BCL11A: variants seen among roughly 807,000 people sequenced by gnomAD.
BCL11A encodes the protein B cell CLL/lymphoma 11A.
A neutral mutation model predicts 55.9 loss-of-function variants in BCL11A; 2 were observed. The ratio of observed to expected loss-of-function variants is 0.04; its 90% CI spans 0.01 to 0.11. The LOEUF is 0.11. BCL11A is among the 10% of genes least tolerant of loss of function. The pLI, the probability that BCL11A is intolerant of heterozygous loss-of-function variation, is 1.00. For synonymous variants in BCL11A, 465 were observed against 473.4 expected (o/e 0.98, Z 0.23); for missense variants, 817 against 1,137.1 (o/e 0.72, Z 4.05).
At chr2:60,544,122 A>T (rs1337356977) in intron 2 of BCL11A, 2 of 152,170 alleles carry the variant, frequency 1.3e-5, no homozygotes, top group African/African-American at 4.8e-5. Flanking sequence ...AGACTGAATA[A>T]CCTATTTGGG....
intron 2 of BCL11A, chr2:60,508,749 G>A (rs1679793554): frequency 6.6e-6 from 1 of 152,288 alleles, no homozygotes; most frequent in Non-Finnish European, 1.5e-5. Flanking sequence ...GCATTTCCCT[G>A]AGGGTCTCCT....
At chr2:60,520,865 C>T (rs557309668) in intron 2 of BCL11A, among the ~76,000 whole-genome samples, 1 of 152,188 alleles carries the variant, frequency 6.6e-6, no homozygotes, top group South Asian at 2.1e-4. Context: ...CCGGTGTTTT[C>T]GTGCAAGCTT....
At chr2:60,488,427 G>C (rs1417204790) in intron 2 of BCL11A, among the ~76,000 whole-genome samples, 3 of 152,158 alleles carry the variant, frequency 2.0e-5, no homozygotes, top group Admixed American at 6.5e-5. Context: ...TGCCATAACA[G>C]GATTACAGCA....
At chr2:60,517,223 G>C (rs180999337) in intron 2 of BCL11A, among the ~76,000 whole-genome samples, 5 of 152,282 alleles carry the variant, frequency 3.3e-5, no homozygotes, top group East Asian at 1.9e-4. Flanking sequence ...GCCCCTGAGA[G>C]GGTACACGTT....
chr2:60,457,630 C>T lies in BCL11A; in HGVS notation c.*2774G>A. ...TTCTTTCCAATCTAAATATAAAGCA[C>T]CATTTAGTTTTTGGCAATGAAAAAA... On this transcript the variant is annotated 3_prime_UTR_variant, in exon 4 of 4. Transcript: ENST00000642384. 3 of 1,040,898 alleles carry T rather than the reference C, an allele frequency of 2.9e-6. No homozygotes were observed. Among genetic ancestry groups the T allele is most frequent in the Non-Finnish European group, 3.5e-6 (3 of 864,422 alleles). The allele number at this position is 1,040,898 out of a possible 1,614,324, so 64.5% of individuals were successfully genotyped here. A position where few individuals can be genotyped will look rare whatever the true frequency, so the allele number is the denominator to read the frequency against.
At chr2:60,521,400 G>A (rs1668986647) in intron 2 of BCL11A, among the ~76,000 whole-genome samples, 1 of 152,238 alleles carries the variant, frequency 6.6e-6, no homozygotes, top group Non-Finnish European at 1.5e-5. Context: ...GTGTGATGTG[G>A]TTAGGCCAGT....
At chr2:60,456,284 C>T (rs143284220), downstream of BCL11A, among the ~76,000 whole-genome samples, 7 of 152,252 alleles carry the variant, frequency 4.6e-5, no homozygotes, top group Admixed American at 2.0e-4. Flanking sequence ...AACAGGGACA[C>T]GATATCACAG....
chr2:60,467,083 G>T (rs1392193892), intron 3 of BCL11A, among the ~76,000 whole-genome samples: 1 of 150,108 alleles, frequency 6.7e-6, no homozygotes, highest in African/African-American at 2.4e-5. Context: ...TGGTGGTGGT[G>T]GTGGTGGTGG....
chr2:60,499,917 C>G (rs1032770492), intron 2 of BCL11A: 1 of 152,446 alleles, frequency 6.6e-6, no homozygotes, highest in Non-Finnish European at 1.5e-5. Flanking sequence ...GACTAAGATT[C>G]GGAGAGAGCA....
At chr2:60,545,066 A>G (rs1670087940) in intron 2 of BCL11A, 1 of 152,256 alleles carries the variant, frequency 6.6e-6, no homozygotes, top group Admixed American at 6.5e-5. Flanking sequence ...GTGTTATAGC[A>G]GAAACAGTGG....
chr2:60,467,828 ATGG>A (rs1273338866), intron 3 of BCL11A, among the ~76,000 whole-genome samples: 3 of 68,624 alleles, frequency 4.4e-5, no homozygotes, highest in African/African-American at 6.2e-5. Flanking sequence ...GGTGATGGTG[ATGG>A]TGGTGGTGGT....
intron 2 of BCL11A, among the ~76,000 whole-genome samples, chr2:60,498,854 T>C (rs1367981439): frequency 6.6e-6 from 1 of 150,838 alleles, no homozygotes; most frequent in Non-Finnish European, 1.5e-5. Flanking sequence ...ACCTTATACA[T>C]ACATTTGAAT....
intron 2 of BCL11A, among the ~76,000 whole-genome samples, chr2:60,497,432 A>G (rs979318908): frequency 4.6e-5 from 7 of 152,198 alleles, no homozygotes; most frequent in African/African-American, 1.7e-4. Flanking sequence ...TCAGGTTAGC[A>G]GGCCAAGGAT....
intron 2 of BCL11A, among the ~76,000 whole-genome samples, chr2:60,478,473 C>G (rs34737760): frequency 0.2 from 29,697 of 152,212 alleles, 3,324 homozygotes; most frequent in Non-Finnish European, 0.25. Context: ...TATTGAGTGA[C>G]TGGTGTGTGG....
At chr2:60,511,426 G>A (rs937530903) in intron 2 of BCL11A, among the ~76,000 whole-genome samples, 6 of 152,174 alleles carry the variant, frequency 3.9e-5, no homozygotes, top group Non-Finnish European at 7.3e-5. Flanking sequence ...ACTCTTTTCC[G>A]TTACCAATAA....
chr2:60,456,744 A>G (rs1572943055), downstream of BCL11A, among the ~76,000 whole-genome samples: 1 of 152,226 alleles, frequency 6.6e-6, no homozygotes, highest in African/African-American at 2.4e-5. Flanking sequence ...TGGAAACCAA[A>G]GAGCTGATTT....
At chr2:60,521,434 G>A (rs184551961) in intron 2 of BCL11A, among the ~76,000 whole-genome samples, 3 of 152,216 alleles carry the variant, frequency 2.0e-5, no homozygotes, top group Admixed American at 6.5e-5. Context: ...CAGCAGATAC[G>A]GCAGAGACGA....
At chr2:60,467,701 G>A (rs1676860808) in intron 3 of BCL11A, among the ~76,000 whole-genome samples, 1 of 69,736 alleles carries the variant, frequency 1.4e-5, no homozygotes. Flanking sequence ...TGGTGGTGAT[G>A]GTACTGGTGG....
chr2:60,552,068 A>T (rs1410328158), intron 1 of BCL11A, among the ~76,000 whole-genome samples: 2 of 151,702 alleles, frequency 1.3e-5, no homozygotes, highest in East Asian at 3.9e-4. Context: ...CTAAGTTTGC[A>T]ACTGAAGGGG....
Sources: allele counts gnomAD v4.1 joint callset (sites outside exome capture counted in the v4.1 genomes callset), GRCh38; gene constraint gnomAD v4.1.1; transcripts MANE v1.5; gene names NCBI Gene and HGNC (gene_info 2026-07-23, HGNC 2026-07-21).